DGKD: variants seen among roughly 807,000 people sequenced by gnomAD.
The protein encoded by DGKD is DAG kinase delta.
A neutral mutation model predicts 154.4 loss-of-function variants in DGKD; 68 were observed. The observed-to-expected ratio is 0.44, with a 90% CI of 0.36 to 0.54. The LOEUF is 0.54. Ranked by LOEUF, DGKD falls within the 20% of genes least tolerant of loss-of-function variation. DGKD has a pLI of 0.00. For missense variants in DGKD, 1,343 were observed against 1,593.6 expected, an observed-to-expected ratio of 0.84 and a Z score of 2.68; for synonymous variants, 693 against 638.0, an observed-to-expected ratio of 1.09 and a Z score of -1.30.
intron 3 of DGKD, among the ~76,000 whole-genome samples, chr2:233,411,835 G>A (rs1195212978): frequency 6.6e-6 from 1 of 152,104 alleles, no homozygotes; most frequent in Non-Finnish European, 1.5e-5. Flanking sequence ...CCCCCATATG[G>A]ATATTCAGTT....
intron 3 of DGKD, among the ~76,000 whole-genome samples, chr2:233,401,361 G>A (rs1300890474): frequency 2.0e-5 from 3 of 152,144 alleles, no homozygotes; most frequent in Admixed American, 1.3e-4. Flanking sequence ...ATATCATTTG[G>A]TATGTGGAAA....
intron 4 of DGKD, 98 bp from the exon 5 acceptor site, chr2:233,434,671 T>C: frequency 1.3e-6 from 2 of 1,545,500 alleles, no homozygotes; most frequent in East Asian, 4.5e-5. Flanking sequence ...CTTCCTCCTC[T>C]CCTCTCTTGG....
In DGKD at chr2:233,438,150, T is replaced by G; in HGVS notation, c.923-67T>G. 6.5e-7 allele frequency: 1 copy of G among 1,546,476 alleles called. No individual in the cohort carries two copies. The highest frequency in any genetic ancestry group is 8.8e-7 in the Non-Finnish European group (1 of 1,134,444). ...TTTGGGGGGGTCTGCTGCTGCTGAT[T>G]CCATCAGTGGTGCCCTCAGCGTCTT... On this transcript the variant is annotated intron_variant, in intron 8 of 29. Transcript: ENST00000264057. The surrounding 1 kb of genome is among the most constrained non-coding windows in gnomAD (Gnocchi z 4.1).
chr2:233,457,131 C>A lies in DGKD; in HGVS notation c.2473-90C>A, dbSNP rs942888470. The A allele has an allele frequency of 1.5e-6, 2 of 1,317,610 alleles. No homozygotes were observed. The highest frequency in any genetic ancestry group is 2.1e-6 in the Non-Finnish European group (2 of 938,980). The allele number at this position is 1,317,610 out of a possible 1,614,324, so 81.6% of individuals were successfully genotyped here. ...GGGATGCCCTGGCCACGGCTGTGCT[C>A]CTGAGCCCCTGGCGGTGGGAAGCTG... On this transcript the variant is annotated intron_variant, in intron 20 of 29. Coordinates refer to ENST00000264057, the MANE Select transcript of DGKD (RefSeq NM_152879.3). The surrounding 1 kb of genome is among the most constrained non-coding windows in gnomAD (Gnocchi z 5.5).
At position 233,449,193 on chromosome 2, in the gene DGKD, A is replaced by C; in HGVS notation, c.1705A>C (p.Thr569Pro). The change falls in exon 15 of 30, where the codon ACC (threonine) becomes CCC (proline). Residue 569 changes from threonine to proline, a missense_variant. This residue lies in a region of DGKD where 409 missense variants were observed against 446.0 expected (regional missense o/e 0.92). Coordinates refer to ENST00000264057, the MANE Select transcript of DGKD (RefSeq NM_152879.3). The surrounding 1 kb of genome is among the most constrained non-coding windows in gnomAD (Gnocchi z 5.3). The part of the protein sequence containing the change: ...ASSSLPNPPP[T>P]IAEEAEDGDG... ...GTCCTCTCTGCCCAACCCGCCCCCC[A>C]CCATTGCCGAGGAGGCTGAAGATGG... The C allele has an allele frequency of 3.1e-6, 5 of 1,613,402 alleles. No homozygotes were observed. Among genetic ancestry groups the C allele is most frequent in the Non-Finnish European group, 3.4e-6 (4 of 1,179,864 alleles).
intron 1 of DGKD, among the ~76,000 whole-genome samples, chr2:233,365,460 G>A (rs1159283950): frequency 6.6e-6 from 1 of 152,064 alleles, no homozygotes; most frequent in African/African-American, 2.4e-5. Context: ...GGTTAGGCTG[G>A]TCTTGAACTC....
intron 3 of DGKD, chr2:233,419,221 C>T (rs1351374607): frequency 1.0e-6 from 1 of 985,686 alleles, no homozygotes; most frequent in African/African-American, 1.7e-5. Context: ...CATCCTGCCC[C>T]CAGCACCGTC....
rs2064031332 is a variant in DGKD, at chr2:233,472,040, G to C, written c.*2580G>C. The stretch of plus-strand genomic sequence containing the variant: ...ATTGTCATGTACATAGTCCATACCT[G>C]AGTGCTGTACATAAGTTGTTCTGTG... On this transcript the variant is annotated 3_prime_UTR_variant, in exon 30 of 30. Transcript: ENST00000264057. 1 of 152,352 alleles carries C rather than the reference G, an allele frequency of 6.6e-6. No homozygotes were observed. The highest frequency in any genetic ancestry group is 1.5e-5 in the Non-Finnish European group (1 of 68,044). 9.4% of individuals were successfully genotyped at this position (152,352 alleles called of 1,614,324 possible). A position where few individuals can be genotyped will look rare whatever the true frequency, so the allele number is the denominator to read the frequency against.
At chr2:233,364,331 TG>T (rs1329364623) in intron 1 of DGKD, among the ~76,000 whole-genome samples, 1 of 152,232 alleles carries the variant, frequency 6.6e-6, no homozygotes, top group African/African-American at 2.4e-5. Flanking sequence ...TTGTTTGTTT[TG>T]GCTAAAGGAA....
chr2:233,370,282 C>G (rs955972464), intron 1 of DGKD, among the ~76,000 whole-genome samples: 3 of 151,936 alleles, frequency 2.0e-5, no homozygotes, highest in African/African-American at 7.3e-5. Context: ...GGCTCAATCT[C>G]AGCTCACTGC....
intron 1 of DGKD, among the ~76,000 whole-genome samples, chr2:233,377,739 G>A (rs1404564804): frequency 1.3e-5 from 2 of 152,082 alleles, no homozygotes; most frequent in Admixed American, 6.5e-5. Flanking sequence ...GGGCCATCCC[G>A]TTTTGCAGTC....
intron 1 of DGKD, among the ~76,000 whole-genome samples, chr2:233,385,688 G>A (rs903647522): frequency 2.0e-5 from 3 of 152,168 alleles, no homozygotes; most frequent in South Asian, 2.1e-4. Flanking sequence ...CAGCTGCCAC[G>A]TGCAAAATAC....
At chr2:233,368,501 G>A (rs1702150391) in intron 1 of DGKD, among the ~76,000 whole-genome samples, 2 of 152,092 alleles carry the variant, frequency 1.3e-5, no homozygotes, top group African/African-American at 4.8e-5. Context: ...GACAGAGCGA[G>A]ACTCCATCAA....
chr2:233,469,433 C>T lies in DGKD; in HGVS notation c.3618C>T (p.Ser1206=), dbSNP rs774829136. 3.1e-6 allele frequency: 5 copies of T among 1,603,364 alleles called. No individual in the cohort carries two copies. The highest frequency in any genetic ancestry group is 4.3e-6 in the Non-Finnish European group (5 of 1,175,908). The change falls in exon 30 of 30, where the codon AGC becomes AGT. Residue 1206 remains serine (S), a synonymous_variant. Transcript: ENST00000264057. ...TCCTGTGTGGCATCAAGGAGCTGAGCCGCAGCGCCCCCGCCGTCGAGGCCT... is the reference window on the plus strand; with the variant it reads ...TCCTGTGTGGCATCAAGGAGCTGAGTCGCAGCGCCCCCGCCGTCGAGGCCT... The part of the protein sequence containing the change: ...KRILCGIKEL[S]RSAPAVEA
rs770369448 is a variant in DGKD at position 233,467,109 on chromosome 2, G to C, written c.3330G>C (p.Lys1110Asn). Reference sequence around the variant, plus strand: ...AGAGTGTGATGCTGGATCTTGCCAAGCGCAGTCGCAGTGGTAAATTCCGCC... The same window carrying C: ...AGAGTGTGATGCTGGATCTTGCCAACCGCAGTCGCAGTGGTAAATTCCGCC... ...DEESVMLDLA[K>N]RSRSGKFRLV... The change falls in exon 28 of 30, where the codon AAG becomes AAC. Residue 1110 changes from lysine to asparagine, a missense_variant. This residue lies in a region of DGKD where 429 missense variants were observed against 496.3 expected (regional missense o/e 0.86). Coordinates refer to ENST00000264057, the MANE Select transcript of DGKD (RefSeq NM_152879.3). 1 of 1,614,180 alleles carries C rather than the reference G, an allele frequency of 6.2e-7. No individual in the cohort carries two copies. Among genetic ancestry groups the C allele is most frequent in the Non-Finnish European group, 8.5e-7 (1 of 1,180,000 alleles).
At chr2:233,399,622 C>T (rs2061509105) in intron 3 of DGKD, among the ~76,000 whole-genome samples, 2 of 152,110 alleles carry the variant, frequency 1.3e-5, no homozygotes, top group African/African-American at 2.4e-5. Flanking sequence ...GCCTCTGAGG[C>T]AGGAAGTGCT....
intron 5 of DGKD, 68 bp downstream of exon 5, chr2:233,434,969 A>G (rs2062641373): frequency 1.9e-6 from 3 of 1,555,472 alleles, no homozygotes; most frequent in East Asian, 4.5e-5. Context: ...AAGCCTTGGA[A>G]ATCCAAACCC....
intron 1 of DGKD, among the ~76,000 whole-genome samples, chr2:233,372,577 G>T (rs1702379022): frequency 6.6e-6 from 1 of 151,788 alleles, no homozygotes; most frequent in Admixed American, 6.6e-5. Flanking sequence ...GGTTTGTCAA[G>T]AATTAAGACA....
At chr2:233,439,927 C>A (rs540671055) in intron 9 of DGKD, among the ~76,000 whole-genome samples, 1 of 152,052 alleles carries the variant, frequency 6.6e-6, no homozygotes, top group African/African-American at 2.4e-5. Flanking sequence ...AGATATAATA[C>A]GTCTGTTATC....
Sources: gnomAD v4.1 joint callset for allele counts (sites outside exome capture counted in the v4.1 genomes callset) on GRCh38, gnomAD v4.1.1 for gene constraint, gnomAD v4.1.1 regional missense constraint, Gnocchi (gnomAD v3.1) non-coding constraint, MANE v1.5 for transcripts, NCBI Gene and HGNC (gene_info 2026-07-23, HGNC 2026-07-21) for gene names.